The following ELOVL6 variants were observed in gnomAD, a reference collection of about 807,000 sequenced individuals.
The protein encoded by ELOVL6 is very long chain fatty acid elongase 6.
In ELOVL6, 8 loss-of-function variants were observed where a neutral mutation model predicts 31.7. That is an observed-to-expected ratio of 0.25 (90% CI 0.15 to 0.45). The LOEUF (loss-of-function observed/expected upper bound fraction) is 0.45, where lower values mean the gene tolerates loss of function less well. Among genes scored for constraint, ELOVL6 ranks in the 20% least tolerant of loss-of-function variants. The pLI, the probability that ELOVL6 is intolerant of heterozygous loss-of-function variation, is 1.00. For missense variants in ELOVL6, 126 were observed against 326.4 expected (o/e 0.39, Z 4.73); for synonymous variants, 101 against 117.7 (o/e 0.86, Z 0.92).
chr4:110,067,702 G>A (rs1216073393), intron 2 of ELOVL6, among the ~76,000 whole-genome samples: 1 of 152,198 alleles, frequency 6.6e-6, no homozygotes, highest in Admixed American at 6.5e-5. Flanking sequence ...GCACGATTAA[G>A]TGAAAAACAT....
At chr4:110,080,028 A>G (rs1307357787) in intron 2 of ELOVL6, among the ~76,000 whole-genome samples, 1 of 152,232 alleles carries the variant, frequency 6.6e-6, no homozygotes, top group Non-Finnish European at 1.5e-5. Context: ...ACACCCTCCC[A>G]AGACTAAACC....
chr4:110,193,379 C>G (rs1004601067), intron 1 of ELOVL6, among the ~76,000 whole-genome samples: 12 of 152,096 alleles, frequency 7.9e-5, no homozygotes, highest in African/African-American at 2.9e-4. Context: ...CCGAGGTGGG[C>G]GGATTACTTG....
chr4:110,198,713 G>T, upstream of ELOVL6: 1 of 187,654 alleles, frequency 5.3e-6, no homozygotes, highest in Non-Finnish European at 1.1e-5. Flanking sequence ...GGGAGTGTGC[G>T]AAAGAGCGCG....
chr4:110,178,366 T>C (rs1759173002), intron 1 of ELOVL6, among the ~76,000 whole-genome samples: 1 of 151,542 alleles, frequency 6.6e-6, no homozygotes, highest in Non-Finnish European at 1.5e-5. Context: ...TCCAATATGG[T>C]GAAAACCCAT....
chr4:110,189,592 C>CAAAAAA (rs761765202), intron 1 of ELOVL6, among the ~76,000 whole-genome samples: 2 of 75,350 alleles, frequency 2.7e-5, no homozygotes, highest in East Asian at 4.8e-4. Flanking sequence ...GACTCTGTCT[C>CAAAAAA]AAAAAAAAAA....
At chr4:110,139,812 G>C (rs1183659124) in intron 1 of ELOVL6, among the ~76,000 whole-genome samples, 1 of 152,146 alleles carries the variant, frequency 6.6e-6, no homozygotes, top group African/African-American at 2.4e-5. Context: ...GATCTTGCTA[G>C]CAAAGAATCT....
chr4:110,073,409 G>A (rs971391220), intron 2 of ELOVL6, among the ~76,000 whole-genome samples: 1 of 152,144 alleles, frequency 6.6e-6, no homozygotes, highest in African/African-American at 2.4e-5. Context: ...GTCTGAAAGT[G>A]GGTTGTGCCT....
chr4:110,084,321 A>T (rs1173686380), intron 2 of ELOVL6, among the ~76,000 whole-genome samples: 2 of 75,038 alleles, frequency 2.7e-5, no homozygotes, highest in African/African-American at 7.6e-5. Flanking sequence ...AACATATATA[A>T]ATTTGATATA....
intron 1 of ELOVL6, among the ~76,000 whole-genome samples, chr4:110,106,138 C>A (rs546899451): frequency 9.2e-5 from 14 of 152,266 alleles, no homozygotes; most frequent in African/African-American, 3.1e-4. Flanking sequence ...GGGTGGATCA[C>A]TTTAGGCCAG....
chr4:110,110,171 A>T (rs1756992341), intron 1 of ELOVL6, among the ~76,000 whole-genome samples: 1 of 152,178 alleles, frequency 6.6e-6, no homozygotes, highest in South Asian at 2.1e-4. Context: ...GGATACAAAT[A>T]AAGTAGGGAC....
chr4:110,093,841 A>G (rs1756489489), intron 2 of ELOVL6, among the ~76,000 whole-genome samples: 2 of 152,168 alleles, frequency 1.3e-5, no homozygotes, highest in Admixed American at 1.3e-4. Context: ...AAATAAGAAA[A>G]GGCAATTACA....
intron 1 of ELOVL6, among the ~76,000 whole-genome samples, chr4:110,137,185 AAG>A (rs1228073516): frequency 6.6e-6 from 1 of 152,224 alleles, no homozygotes; most frequent in East Asian, 1.9e-4. Context: ...GTAGTTAAAA[AAG>A]GAAATTTTAG....
At chr4:110,092,508 C>T (rs1756454426) in intron 2 of ELOVL6, among the ~76,000 whole-genome samples, 1 of 152,204 alleles carries the variant, frequency 6.6e-6, no homozygotes, top group Non-Finnish European at 1.5e-5. Flanking sequence ...CTCATATCCA[C>T]ACTTTAAGGA....
At chr4:110,071,336 T>C (rs1463183473) in intron 2 of ELOVL6, among the ~76,000 whole-genome samples, 3 of 152,252 alleles carry the variant, frequency 2.0e-5, no homozygotes, top group Non-Finnish European at 2.9e-5. Context: ...AAGGTAAATG[T>C]AATGAAGTCA....
In ELOVL6 at chr4:110,076,193, A is replaced by G. The variant is rs74981234; in HGVS notation, c.222-16439T>C. Reference sequence around the variant, plus strand: ...ACTCAGTACTTGAATCTATAAATTGAATCTTTTTATAGGTAAAAATAAAAG... The same window carrying G: ...ACTCAGTACTTGAATCTATAAATTGGATCTTTTTATAGGTAAAAATAAAAG... On this transcript the variant is annotated intron_variant, in intron 2 of 3. Coordinates refer to ENST00000302274, the MANE Select transcript of ELOVL6 (RefSeq NM_024090.3). 4.9e-3 allele frequency among the ~76,000 whole-genome samples: 747 copies of G among 152,332 alleles called. 4 individuals are homozygous for G. Among genetic ancestry groups the G allele is most frequent in the African/African-American group, 0.017 (703 of 41,578 alleles).
chr4:110,176,790 T>C (rs962061256), intron 1 of ELOVL6, among the ~76,000 whole-genome samples: 40 of 152,166 alleles, frequency 2.6e-4, no homozygotes, highest in African/African-American at 7.5e-4. Context: ...CAGGCTGGAG[T>C]GCAATGGCAC....
At chr4:110,115,972 G>A (rs946709198) in intron 1 of ELOVL6, among the ~76,000 whole-genome samples, 5 of 152,060 alleles carry the variant, frequency 3.3e-5, no homozygotes, top group Non-Finnish European at 7.4e-5. Context: ...ATCACACCAA[G>A]CTGTTTCCAT....
At chr4:110,071,178 C>T (rs140079628) in intron 2 of ELOVL6, among the ~76,000 whole-genome samples, 158 of 152,334 alleles carry the variant, frequency 1.0e-3, no homozygotes, top group Middle Eastern at 3.4e-3. Context: ...CCGGCTCTTC[C>T]ATATGCCCAG....
At chr4:110,064,713 C>T (rs1297454065) in intron 2 of ELOVL6, among the ~76,000 whole-genome samples, 1 of 151,986 alleles carries the variant, frequency 6.6e-6, no homozygotes, top group African/African-American at 2.4e-5. Flanking sequence ...GTCTTGAACT[C>T]CTGGGCTCAA....
Sources: allele counts gnomAD v4.1 joint callset (sites outside exome capture counted in the v4.1 genomes callset), GRCh38; gene constraint gnomAD v4.1.1; transcripts MANE v1.5; gene names NCBI Gene and HGNC (gene_info 2026-07-23, HGNC 2026-07-21).